The following SAMSN1 variants were observed in gnomAD, a reference collection of about 807,000 sequenced individuals.
SAMSN1 encodes SAM domain-containing protein SAMSN-1.
SAMSN1 carries 31 observed loss-of-function variants against 42.0 expected under a neutral mutation model. The ratio of observed to expected loss-of-function variants is 0.74; its 90% CI spans 0.55 to 1.00. SAMSN1 has a LOEUF of 1.00. Ranked by LOEUF, SAMSN1 falls within the 50% of genes least tolerant of loss-of-function variation. The pLI is 0.00. For missense variants in SAMSN1, 464 were observed against 439.4 expected (o/e 1.06, Z -0.50); for synonymous variants, 178 against 151.9 (o/e 1.17, Z -1.26).
chr21:14,613,386 C>A (rs1351420539), intron 3 of SAMSN1, among the ~76,000 whole-genome samples: 2 of 152,098 alleles, frequency 1.3e-5, no homozygotes, highest in African/African-American at 4.8e-5. Context: ...CCATGTGATA[C>A]CATCTGAGCC....
intron 2 of SAMSN1, among the ~76,000 whole-genome samples, chr21:14,625,257 A>C (rs1419701253): frequency 6.6e-6 from 1 of 152,124 alleles, no homozygotes; most frequent in Non-Finnish European, 1.5e-5. Context: ...TATTCAACAT[A>C]GCGTTGGAAG....
intron 6 of SAMSN1, among the ~76,000 whole-genome samples, chr21:14,499,364 C>A (rs1987042600): frequency 6.6e-6 from 1 of 151,910 alleles, no homozygotes; most frequent in African/African-American, 2.4e-5. Flanking sequence ...GCTTTTTCAA[C>A]TTCTTCAGAT....
intron 2 of SAMSN1, among the ~76,000 whole-genome samples, chr21:14,551,658 T>C (rs1980600053): frequency 6.6e-6 from 1 of 152,152 alleles, no homozygotes; most frequent in South Asian, 2.1e-4. Flanking sequence ...TTTCATGAAG[T>C]AATATTATTC....
At chr21:14,507,760 G>C (rs531952607) in intron 5 of SAMSN1, among the ~76,000 whole-genome samples, 1 of 150,948 alleles carries the variant, frequency 6.6e-6, no homozygotes, top group East Asian at 1.9e-4. Context: ...TGAGCAAAAA[G>C]AACAAATCTG....
chr21:14,600,578 T>G (rs1780071267), intron 6 of SAMSN1, among the ~76,000 whole-genome samples: 1 of 152,190 alleles, frequency 6.6e-6, no homozygotes, highest in African/African-American at 2.4e-5. Context: ...GTTGTTAGGG[T>G]AAAGATTTAT....
upstream of SAMSN1, among the ~76,000 whole-genome samples, chr21:14,549,266 G>T (rs1980523009): frequency 6.6e-6 from 1 of 152,176 alleles, no homozygotes; most frequent in Admixed American, 6.5e-5. Flanking sequence ...AGACATTGAG[G>T]ATCTCCATCT....
upstream of SAMSN1, among the ~76,000 whole-genome samples, chr21:14,546,944 C>T (rs942731668): frequency 1.3e-5 from 2 of 151,938 alleles, no homozygotes; most frequent in Admixed American, 6.6e-5. Flanking sequence ...CTCCTGATCT[C>T]GTGATCCGCC....
intron 7 of SAMSN1, among the ~76,000 whole-genome samples, chr21:14,591,147 A>T (rs944496565): frequency 1.3e-5 from 2 of 152,204 alleles, no homozygotes; most frequent in African/African-American, 4.8e-5. Flanking sequence ...TTATAATTTT[A>T]AAAATTATTA....
rs377557019 is a variant in SAMSN1 at position 14,637,383 on chromosome 21, T to C, written c.156+5619A>G. Among the ~76,000 whole-genome samples, 54 of 152,338 alleles carry C rather than the reference T, an allele frequency of 3.5e-4. 1 individual carries two copies. The highest frequency in any genetic ancestry group is 1.2e-3 in the African/African-American group (48 of 41,580). ...TTGAAATGATAATACTTTAGCTATA[T>C]TGGCTTAATTCAATATGTTATTAAA... On this transcript the variant is annotated intron_variant, in intron 2 of 15. Coordinates refer to the SAMSN1 transcript ENST00000647101.
At chr21:14,619,869 G>A (rs1272352431) in intron 2 of SAMSN1, among the ~76,000 whole-genome samples, 3 of 152,096 alleles carry the variant, frequency 2.0e-5, no homozygotes, top group African/African-American at 7.2e-5. Flanking sequence ...ATTTAGAAAG[G>A]CCTGTTTGTT....
At chr21:14,540,489 TC>T (rs1453381986) in intron 1 of SAMSN1, among the ~76,000 whole-genome samples, 1 of 151,674 alleles carries the variant, frequency 6.6e-6, no homozygotes. Context: ...AAAGGACACT[TC>T]TCAAAAGAAG....
chr21:14,558,561 G>T (rs553855415), intron 2 of SAMSN1, among the ~76,000 whole-genome samples: 1 of 151,996 alleles, frequency 6.6e-6, no homozygotes, highest in East Asian at 1.9e-4. Context: ...CATGCCTGTA[G>T]TCCCAGCTAC....
Position 14,581,977 on chromosome 21 carries a change from G to A in SAMSN1, c.261+159C>T, listed in dbSNP as rs951912331. Among the ~76,000 whole-genome samples, 4 of 152,192 alleles carry A rather than the reference G, an allele frequency of 2.6e-5. No individual in the cohort carries two copies. In the East Asian group the frequency reaches 7.7e-4, roughly 29 times the overall value. On this transcript the variant is annotated intron_variant, in intron 2 of 8. Coordinates refer to the SAMSN1 transcript ENST00000285670. ...ATATGAAATGTTAATATGGGTAAAA[G>A]TCACAAGAGTTTGGTTGCTTTTTGG...
chr21:14,590,730 A>T (rs1294346031), intron 7 of SAMSN1, among the ~76,000 whole-genome samples: 2 of 152,214 alleles, frequency 1.3e-5, no homozygotes, highest in African/African-American at 2.4e-5. Context: ...AGACAGGAAG[A>T]AGAGAGCTAC....
chr21:14,560,245 TG>T (rs1305514898), intron 2 of SAMSN1, among the ~76,000 whole-genome samples: 4 of 151,712 alleles, frequency 2.6e-5, no homozygotes, highest in Admixed American at 2.6e-4. Context: ...ACAAGAAAAA[TG>T]GGGGGCATAT....
chr21:14,627,609 G>T (rs1264498413), intron 2 of SAMSN1, among the ~76,000 whole-genome samples: 1 of 152,160 alleles, frequency 6.6e-6, no homozygotes, highest in Non-Finnish European at 1.5e-5. Context: ...CAAATTGTCT[G>T]GAGGCCCATG....
intron 7 of SAMSN1, among the ~76,000 whole-genome samples, chr21:14,496,657 T>C (rs1190582506): frequency 6.6e-6 from 1 of 152,214 alleles, no homozygotes; most frequent in African/African-American, 2.4e-5. Flanking sequence ...ATCAATTTTG[T>C]CTTGACTTGA....
rs767931839 is a variant in SAMSN1, at chr21:14,577,238, GTATATATATATATATATATATA to G, written c.261+4876_261+4897del. Among the ~76,000 whole-genome samples the G allele has an allele frequency of 4.6e-3, 131 of 28,178 alleles. 3 individuals are homozygous for G. The highest frequency in any genetic ancestry group is 0.02 in the South Asian group (13 of 646). 18.5% of individuals were successfully genotyped at this position (28,178 alleles called of 152,430 possible). On this transcript the variant is annotated intron_variant, in intron 2 of 8. Transcript: ENST00000285670. Reference sequence around the variant, plus strand: ...GGTGGGCTAATTTATATATATGTGTGTATATATATATATATATATATATATATATATATATATATATATATAT... The same window carrying G: ...GGTGGGCTAATTTATATATATGTGTGTATATATATATATATATATATATAT...
chr21:14,551,393 T>G (rs13048486), intron 2 of SAMSN1, among the ~76,000 whole-genome samples: 39,026 of 151,926 alleles, frequency 0.26, 5,625 homozygotes, highest in East Asian at 0.5. Context: ...ATAAATTACA[T>G]CTATGCCTTA....
Sources: gnomAD v4.1 joint callset for allele counts (sites outside exome capture counted in the v4.1 genomes callset) on GRCh38, gnomAD v4.1.1 for gene constraint, MANE v1.5 for transcripts, NCBI Gene and HGNC (gene_info 2026-07-23, HGNC 2026-07-21) for gene names.